ASB9: variants seen among roughly 807,000 people sequenced by gnomAD.
ASB9 encodes the protein ankyrin repeat and SOCS box containing 9.
In ASB9, 5 loss-of-function variants were observed where a neutral mutation model predicts 16.6. The observed-to-expected ratio is 0.30, with a 90% CI of 0.16 to 0.63. The LOEUF (loss-of-function observed/expected upper bound fraction) is 0.63. Among genes scored for constraint, ASB9 ranks in the 30% least tolerant of loss-of-function variants. The probability of loss-of-function intolerance (pLI) is 0.82; values close to 1 mark genes in which losing one functional copy is unlikely to be tolerated. For missense variants in ASB9, 216 were observed against 229.4 expected, an observed-to-expected ratio of 0.94 and a Z score of 0.38; for synonymous variants, 100 against 86.4, an observed-to-expected ratio of 1.16 and a Z score of -0.87.
intron 1 of ASB9, among the ~76,000 whole-genome samples, chrX:15,265,608 G>A (rs1269435109): frequency 1.9e-5 from 2 of 106,009 alleles, no homozygotes; most frequent in Non-Finnish European, 3.9e-5. Flanking sequence ...CCCACCCCAG[G>A]CCTACGACTT....
chrX:15,244,056 T>A lies in ASB9; in HGVS notation c.*450A>T, dbSNP rs17216302. 1,224 of 118,994 alleles carry A rather than the reference T, an allele frequency of 0.01. 13 individuals carry two copies. The highest frequency in any genetic ancestry group is 0.018 in the African/African-American group (566 of 30,947). 9.8% of individuals were successfully genotyped at this position (118,994 alleles called of 1,213,427 possible). The stretch of plus-strand genomic sequence containing the variant: ...AGCAGAGATGGAACCAGGACAGTGA[T>A]GCTGGAAAAGCCTGCCTCGATCAAG... On this transcript the variant is annotated 3_prime_UTR_variant, in exon 7 of 7. Transcript: ENST00000380488.
rs889587480 is a variant in ASB9 at position 15,262,957 on chromosome X, G to A, written c.95-4012C>T. ...TAGTTTAACATTTTTCTAACATTCAGAGAGCATAGATTGTGTGTATGTGTG... is the reference window on the plus strand; with the variant it reads ...TAGTTTAACATTTTTCTAACATTCAAAGAGCATAGATTGTGTGTATGTGTG... On this transcript the variant is annotated intron_variant, in intron 1 of 6. Coordinates refer to ENST00000380488, the MANE Select transcript of ASB9 (RefSeq NM_001031739.3). Among the ~76,000 whole-genome samples, 4 of 112,417 alleles carry A rather than the reference G, an allele frequency of 3.6e-5. No individual in the cohort carries two copies. The Admixed American group carries it at 3.8e-4, about 11-fold the overall frequency.
chrX:15,266,094 C>T (rs1278565405), intron 1 of ASB9, among the ~76,000 whole-genome samples: 1 of 110,442 alleles, frequency 9.1e-6, no homozygotes, highest in Non-Finnish European at 1.9e-5. Flanking sequence ...TGAGGCACTG[C>T]ACCCAGTCAA....
intron 6 of ASB9, among the ~76,000 whole-genome samples, chrX:15,246,023 C>T (rs1415842635): frequency 1.8e-5 from 2 of 111,716 alleles, no homozygotes; most frequent in African/African-American, 3.3e-5. Context: ...CACATATTAA[C>T]GAGCAGCAAA....
At chrX:15,270,107 C>T (rs1926865991), upstream of ASB9, 2 of 293,893 alleles carry the variant, frequency 6.8e-6, no homozygotes, top group Non-Finnish European at 1.2e-5. Flanking sequence ...CACACACACA[C>T]ACACGTTTTA....
In ASB9 at chrX:15,244,649, A is replaced by G; in HGVS notation, c.761-19T>C. The stretch of plus-strand genomic sequence containing the variant: ...GGGGGCCCTGGAGAAAGATCATAAG[A>G]CAAGTCATACAATGGTGCTATTGAT... On this transcript the variant is annotated intron_variant, in intron 6 of 6. Transcript: ENST00000380488. The G allele has an allele frequency of 2.5e-6, 3 of 1,183,994 alleles. No individual in the cohort carries two copies. Among genetic ancestry groups the G allele is most frequent in the Non-Finnish European group, 1.1e-6 (1 of 880,337 alleles).
intron 6 of ASB9, among the ~76,000 whole-genome samples, chrX:15,245,649 C>A (rs1048824179): frequency 1.1e-3 from 124 of 111,593 alleles, no homozygotes; most frequent in Non-Finnish European, 7.9e-4. Flanking sequence ...CGCTGAGTCC[C>A]CCCAACCAGG....
chrX:15,245,781 C>T (rs1924612902), intron 6 of ASB9, among the ~76,000 whole-genome samples: 1 of 111,989 alleles, frequency 8.9e-6, no homozygotes, highest in Non-Finnish European at 1.9e-5. Context: ...ACTGTGGTCT[C>T]TATTTTCCTA....
At chrX:15,269,345 T>G (rs752861706) in intron 1 of ASB9, among the ~76,000 whole-genome samples, 55 of 112,046 alleles carry the variant, frequency 4.9e-4, no homozygotes, top group Non-Finnish European at 1.1e-4. Flanking sequence ...CTCTTTTGTC[T>G]CTTTTGAAAG....
At chrX:15,269,478 T>G (rs954707884) in intron 1 of ASB9, among the ~76,000 whole-genome samples, 1 of 112,346 alleles carries the variant, frequency 8.9e-6, no homozygotes, top group African/African-American at 3.2e-5. Flanking sequence ...TATAAGTAAC[T>G]TTCAAACCTC....
intron 1 of ASB9, among the ~76,000 whole-genome samples, chrX:15,262,635 T>A (rs901281517): frequency 3.5e-5 from 4 of 112,829 alleles, no homozygotes; most frequent in Admixed American, 9.4e-5. Flanking sequence ...GTGTGTAATG[T>A]TCTGTTGGTT....
At chrX:15,255,247 G>T (rs1925445640) in intron 2 of ASB9, among the ~76,000 whole-genome samples, 1 of 111,743 alleles carries the variant, frequency 8.9e-6, no homozygotes, top group Non-Finnish European at 1.9e-5. Context: ...TCAGCAGAAA[G>T]ATTACACCCA....
intron 1 of ASB9, chrX:15,259,214 C>T (rs956830066): frequency 3.9e-6 from 1 of 258,579 alleles, no homozygotes; most frequent in Non-Finnish European, 6.9e-6. Flanking sequence ...TGACAGATTA[C>T]TCTATTTCTA....
chrX:15,262,445 G>T (rs945069532), intron 1 of ASB9, among the ~76,000 whole-genome samples: 5 of 111,874 alleles, frequency 4.5e-5, no homozygotes, highest in African/African-American at 6.5e-5. Context: ...TCAGTTCAGG[G>T]TTTGTTAAGC....
intron 2 of ASB9, among the ~76,000 whole-genome samples, chrX:15,257,885 T>C (rs1356320547): frequency 8.9e-6 from 1 of 111,864 alleles, no homozygotes. Context: ...TATTCTTGCA[T>C]GGTGGGGCTT....
At chrX:15,249,450 A>C (rs1414160314) in intron 5 of ASB9, among the ~76,000 whole-genome samples, 1 of 112,289 alleles carries the variant, frequency 8.9e-6, no homozygotes, top group Non-Finnish European at 1.9e-5. Context: ...TCCCAAGATC[A>C]CAGGGAAGGT....
chrX:15,266,935 CA>C (rs34454817), intron 1 of ASB9, among the ~76,000 whole-genome samples: 2,028 of 77,521 alleles, frequency 0.026, 5 homozygotes, highest in African/African-American at 0.09. Context: ...GACTCCATCT[CA>C]AAAAAAAAAA....
chrX:15,265,140 C>T (rs1167110807), intron 1 of ASB9, among the ~76,000 whole-genome samples: 1 of 112,097 alleles, frequency 8.9e-6, no homozygotes, highest in Non-Finnish European at 1.9e-5. Flanking sequence ...TTTCTCCCTT[C>T]CCTAGGTTTC....
At position 15,244,256 on chromosome X, in the gene ASB9, GAA is replaced by G. The variant is rs1924474651; in HGVS notation, c.*248_*249del. 3.2e-6 allele frequency: 1 copy of G among 314,562 alleles called. No homozygotes were observed. 25.9% of individuals were successfully genotyped at this position (314,562 alleles called of 1,213,427 possible). ...TAACTTATGACACTCTCCATGCAGG[GAA>G]AAAAGTCTTCATGCCTTCTAACTAA... On this transcript the variant is annotated 3_prime_UTR_variant, in exon 7 of 7. Coordinates refer to ENST00000380488, the MANE Select transcript of ASB9 (RefSeq NM_001031739.3).
Sources: allele counts gnomAD v4.1 joint callset (sites outside exome capture counted in the v4.1 genomes callset), GRCh38; gene constraint gnomAD v4.1.1; transcripts MANE v1.5; gene names NCBI Gene and HGNC (gene_info 2026-07-23, HGNC 2026-07-21).